TAFA2: variants seen among roughly 807,000 people sequenced by gnomAD.
TAFA2 encodes TAFA chemokine like family member 2, also known as chemokine-like protein TAFA-2.
Under a neutral mutation model 18.8 loss-of-function variants are expected in TAFA2, and 7 were observed. That is an observed-to-expected ratio of 0.37 (90% CI 0.21 to 0.70). The LOEUF is 0.70. Among genes scored for constraint, TAFA2 ranks in the 30% least tolerant of loss-of-function variants. The pLI is 0.53. For synonymous variants in TAFA2, 60 were observed against 54.2 expected, an observed-to-expected ratio of 1.11 and a Z score of -0.47; for missense variants, 122 against 158.1, an observed-to-expected ratio of 0.77 and a Z score of 1.23.
At position 61,709,253 on chromosome 12, in the gene TAFA2, C is replaced by T. The variant is rs150555191; in HGVS notation, c.*1153G>A. 7 of 152,498 alleles carry T rather than the reference C, an allele frequency of 4.6e-5. No individual in the cohort carries two copies. The highest frequency in any genetic ancestry group is 1.7e-4 in the African/African-American group (7 of 41,528). 9.4% of individuals were successfully genotyped at this position (152,498 alleles called of 1,614,324 possible). ...AAAACCATAAACGTTAAAATCGCTACAAAAATGTCACAAAATATTGGCCTA... is the reference window on the plus strand; with the variant it reads ...AAAACCATAAACGTTAAAATCGCTATAAAAATGTCACAAAATATTGGCCTA... On this transcript the variant is annotated 3_prime_UTR_variant, in exon 5 of 5. Transcript: ENST00000416284.
chr12:61,997,906 A>G (rs1288871873), intron 1 of TAFA2, among the ~76,000 whole-genome samples: 1 of 152,134 alleles, frequency 6.6e-6, no homozygotes, highest in Non-Finnish European at 1.5e-5. Flanking sequence ...CTGCCCTGAG[A>G]TATGACATAG....
intron 1 of TAFA2, among the ~76,000 whole-genome samples, chr12:62,120,683 T>C (rs1260345835): frequency 6.6e-6 from 1 of 152,086 alleles, no homozygotes; most frequent in South Asian, 2.1e-4. Context: ...CATAAAGGTA[T>C]GAAAATCTAT....
intron 1 of TAFA2, among the ~76,000 whole-genome samples, chr12:62,048,389 GC>G (rs1881964586): frequency 6.6e-6 from 1 of 152,152 alleles, no homozygotes; most frequent in Non-Finnish European, 1.5e-5. Flanking sequence ...GGAGAAAACT[GC>G]CCCCATGATT....
chr12:62,062,638 TA>T (rs1212827777), intron 1 of TAFA2, among the ~76,000 whole-genome samples: 2 of 152,172 alleles, frequency 1.3e-5, no homozygotes, highest in African/African-American at 4.8e-5. Context: ...CTTAGTGACT[TA>T]AAACAACATA....
At chr12:62,189,297 G>C (rs867927291) in intron 1 of TAFA2, among the ~76,000 whole-genome samples, 1 of 152,008 alleles carries the variant, frequency 6.6e-6, no homozygotes, top group African/African-American at 2.4e-5. Flanking sequence ...TCAACCTCAC[G>C]GACTTTTAGT....
intron 1 of TAFA2, among the ~76,000 whole-genome samples, chr12:61,895,209 A>C (rs562443864): frequency 6.6e-6 from 1 of 152,196 alleles, no homozygotes; most frequent in South Asian, 2.1e-4. Flanking sequence ...AAATGTAGTC[A>C]GACAATAAAA....
chr12:62,197,498 T>C (rs2062653855), upstream of TAFA2, among the ~76,000 whole-genome samples: 1 of 152,226 alleles, frequency 6.6e-6, no homozygotes. Flanking sequence ...ATTTAAAGTG[T>C]ACAATTTGAT....
chr12:62,195,021 C>A (rs1019575352), upstream of TAFA2, among the ~76,000 whole-genome samples: 1 of 152,138 alleles, frequency 6.6e-6, no homozygotes, highest in Non-Finnish European at 1.5e-5. Context: ...GATGGAGAGT[C>A]TTGTTTCAGT....
rs2062629558 is a variant in TAFA2 at position 62,192,272 on chromosome 12, A to ACT, written c.-1016_-1015insAG. 6.7e-6 allele frequency: 1 copy of ACT among 150,114 alleles called. No homozygotes were observed. Among genetic ancestry groups the ACT allele is most frequent in the South Asian group, 2.1e-4 (1 of 4,718 alleles). 9.3% of individuals were successfully genotyped at this position (150,114 alleles called of 1,614,324 possible). A position where few individuals can be genotyped will look rare whatever the true frequency, so the allele number is the denominator to read the frequency against. ...GCATCGTGGGCTGGAAGGAAGGGAA[A>ACT]CCCGCCGATGTCCCCCTGGTAGCAG... is the stretch of plus-strand genomic sequence containing the variant. On this transcript the variant is annotated 5_prime_UTR_variant, in exon 1 of 5. Coordinates refer to ENST00000416284, the MANE Select transcript of TAFA2 (RefSeq NM_178539.5).
chr12:62,157,305 G>T (rs540217742), intron 1 of TAFA2, among the ~76,000 whole-genome samples: 24 of 152,180 alleles, frequency 1.6e-4, no homozygotes, highest in Non-Finnish European at 3.1e-4. Context: ...TAGGAAAGAA[G>T]AAACTAGGAA....
At chr12:61,966,106 G>A (rs574793958) in intron 1 of TAFA2, among the ~76,000 whole-genome samples, 13 of 151,736 alleles carry the variant, frequency 8.6e-5, no homozygotes, top group Admixed American at 2.0e-4. Context: ...TGTCTGTACC[G>A]TTTTACTTTC....
intron 1 of TAFA2, among the ~76,000 whole-genome samples, chr12:61,899,981 G>A (rs114863426): frequency 1.1e-3 from 161 of 152,222 alleles, no homozygotes; most frequent in Middle Eastern, 0.01. Context: ...AATCCTCCTC[G>A]AATACTAAGG....
At chr12:62,120,764 C>G (rs1870156111) in intron 1 of TAFA2, among the ~76,000 whole-genome samples, 1 of 152,100 alleles carries the variant, frequency 6.6e-6, no homozygotes, top group Non-Finnish European at 1.5e-5. Context: ...TGCCTTTACT[C>G]CAGAGTCTCT....
intron 1 of TAFA2, among the ~76,000 whole-genome samples, chr12:61,872,373 C>T (rs977404719): frequency 1.3e-5 from 2 of 152,030 alleles, no homozygotes; most frequent in African/African-American, 4.8e-5. Context: ...TTGGTGTTAA[C>T]TAGTTACAAT....
intron 4 of TAFA2, among the ~76,000 whole-genome samples, chr12:61,719,927 G>A (rs1454784550): frequency 6.6e-6 from 1 of 152,130 alleles, no homozygotes; most frequent in Non-Finnish European, 1.5e-5. Context: ...TTCTATATGT[G>A]GTAAATCTTT....
At chr12:61,826,815 C>CT (rs1872550975) in intron 2 of TAFA2, among the ~76,000 whole-genome samples, 1 of 151,684 alleles carries the variant, frequency 6.6e-6, no homozygotes, top group African/African-American at 2.4e-5. Context: ...ACATTTTGTA[C>CT]TTTTTTCTTG....
chr12:62,233,282 T>A (rs372628676), intron 1 of TAFA2, among the ~76,000 whole-genome samples: 1 of 151,848 alleles, frequency 6.6e-6, no homozygotes, highest in Non-Finnish European at 1.5e-5. Flanking sequence ...GGTTTCACCA[T>A]GTTGGCCAGG....
At chr12:62,118,954 A>G (rs77876883) in intron 1 of TAFA2, among the ~76,000 whole-genome samples, 139 of 152,254 alleles carry the variant, frequency 9.1e-4, no homozygotes, top group African/African-American at 3.1e-3. Flanking sequence ...AGCAAAATAT[A>G]TGTCTTTTCT....
intron 1 of TAFA2, among the ~76,000 whole-genome samples, chr12:62,003,302 C>T (rs748771811): frequency 5.3e-5 from 8 of 152,126 alleles, no homozygotes; most frequent in Admixed American, 1.3e-4. Flanking sequence ...CAGCCATGAA[C>T]CGCACCCCCT....
Sources: gnomAD v4.1 joint callset for allele counts (sites outside exome capture counted in the v4.1 genomes callset) on GRCh38, gnomAD v4.1.1 for gene constraint, MANE v1.5 for transcripts, NCBI Gene and HGNC (gene_info 2026-07-23, HGNC 2026-07-21) for gene names.